AXDND1: variants seen among roughly 807,000 people sequenced by gnomAD.
The protein encoded by AXDND1 is axonemal dynein light chain domain-containing protein 1.
AXDND1 carries 110 observed loss-of-function variants against 137.5 expected under a neutral mutation model. The observed-to-expected ratio is 0.80, with a 90% confidence interval of 0.69 to 0.94. The LOEUF (loss-of-function observed/expected upper bound fraction) is 0.94. Ranked by LOEUF, AXDND1 falls within the 40% of genes least tolerant of loss-of-function variation. The pLI, the probability that AXDND1 is intolerant of heterozygous loss-of-function variation, is 0.00. For missense variants in AXDND1, 1,191 were observed against 1,169.8 expected (o/e 1.02, Z -0.26); for synonymous variants, 414 against 399.7 (o/e 1.04, Z -0.43).
chr1:179,500,701 C>T (rs1667909202), intron 20 of AXDND1, among the ~76,000 whole-genome samples: 2 of 152,300 alleles, frequency 1.3e-5, no homozygotes, highest in South Asian at 2.1e-4. Context: ...GAGACAGAAT[C>T]TGGCTCTGTT....
rs1435374289 is a variant in AXDND1, at chr1:179,486,136, A to AC, written c.2091+2915_2091+2916insC. Among the ~76,000 whole-genome samples the AC allele has an allele frequency of 3.5e-4, 42 of 121,372 alleles. 1 individual carries two copies. The Middle Eastern group carries it at 0.012, about 36-fold the overall frequency. 79.6% of individuals were successfully genotyped at this position (121,372 alleles called of 152,430 possible). A position where few individuals can be genotyped will look rare whatever the true frequency, so the allele number is the denominator to read the frequency against. ...CTCTGTCTCAAAAAAAAAAAAAAAAAAAAAACCTGATAGAAATGAAAAACA... is the reference window on the plus strand; with the variant it reads ...CTCTGTCTCAAAAAAAAAAAAAAAAACAAAAACCTGATAGAAATGAAAAACA... On this transcript the variant is annotated intron_variant, in intron 18 of 25. Transcript: ENST00000367618.
At chr1:179,500,670 ATTAAT>A (rs1051054051) in intron 20 of AXDND1, among the ~76,000 whole-genome samples, 3 of 152,116 alleles carry the variant, frequency 2.0e-5, no homozygotes, top group African/African-American at 7.2e-5. Flanking sequence ...TCACATTTGA[ATTAAT>A]TTATTTTTAT....
chr1:179,523,686 C>T (rs1470878036), intron 21 of AXDND1, among the ~76,000 whole-genome samples: 1 of 152,164 alleles, frequency 6.6e-6, no homozygotes, highest in African/African-American at 2.4e-5. Flanking sequence ...AGGTCAGCCA[C>T]ATTGTTGCCT....
intron 16 of AXDND1, chr1:179,447,473 A>G (rs1277691076): frequency 4.5e-6 from 2 of 441,112 alleles, no homozygotes; most frequent in Non-Finnish European, 8.0e-6. Context: ...CTAATTTTGA[A>G]TGGAAATATT....
At position 179,367,412 on chromosome 1, in the gene AXDND1, G is replaced by A. The variant is rs547884690; in HGVS notation, c.97+806G>A. Among the ~76,000 whole-genome samples, 598 of 152,302 alleles carry A rather than the reference G, an allele frequency of 3.9e-3. 3 individuals carry two copies. The highest frequency in any genetic ancestry group is 0.02 in the Middle Eastern group (6 of 294). On this transcript the variant is annotated intron_variant, in intron 2 of 25. Transcript: ENST00000367618. ...TGCCTGTAGTCCCAGCTACTCAGGA[G>A]GCTGAGGCAGGAGAATCGCTTGAAC...
intron 25 of AXDND1, chr1:179,549,054 A>G (rs544196409): frequency 6.6e-5 from 10 of 152,182 alleles, no homozygotes; most frequent in South Asian, 2.1e-4. Flanking sequence ...GCAGGCTCCA[A>G]TGCCAAACTG....
chr1:179,423,991 A>G (rs1192075221), intron 12 of AXDND1, among the ~76,000 whole-genome samples: 2 of 151,566 alleles, frequency 1.3e-5, no homozygotes, highest in Non-Finnish European at 2.9e-5. Context: ...TTTTTCTTTT[A>G]GATTGAAGAA....
chr1:179,432,430 T>TCC, intron 15 of AXDND1, 88 bp downstream of exon 15: 382 of 14,544 alleles, frequency 0.026, no homozygotes, highest in Non-Finnish European at 0.031. Flanking sequence ...CATCCCATCC[T>TCC]TTTTTTTTTT....
intron 9 of AXDND1, among the ~76,000 whole-genome samples, chr1:179,389,564 T>TTAG (rs1412758744): frequency 2.6e-5 from 4 of 152,176 alleles, no homozygotes; most frequent in African/African-American, 9.7e-5. Flanking sequence ...AGCCCAAGGC[T>TTAG]TAGTCTCTGG....
chr1:179,491,408 G>T, intron 18 of AXDND1, 130 bp from the exon 19 acceptor site: 1 of 643,826 alleles, frequency 1.6e-6, no homozygotes. Context: ...CTGATGACTT[G>T]ATTTCATTAA....
rs908026548 is a variant in AXDND1 at position 179,419,506 on chromosome 1, C to T, written c.1230+8240C>T. Among the ~76,000 whole-genome samples, 180 of 149,716 alleles carry T rather than the reference C, an allele frequency of 1.2e-3. 2 individuals are homozygous for T. The highest frequency in any genetic ancestry group is 1.3e-4 in the Non-Finnish European group (9 of 67,208). On this transcript the variant is annotated intron_variant, in intron 12 of 25. Transcript: ENST00000367618. ...GCGTGCGCCTGCAATCGCAGGCACT[C>T]GGCAGGCTGAGGCAGGAGAATCAGG... is the stretch of plus-strand genomic sequence containing the variant.
chr1:179,459,564 G>A (rs1054160674), intron 16 of AXDND1, among the ~76,000 whole-genome samples: 6 of 151,834 alleles, frequency 4.0e-5, no homozygotes, highest in Non-Finnish European at 5.9e-5. Flanking sequence ...CCCTTCCTAC[G>A]TTTGCATTTG....
intron 20 of AXDND1, among the ~76,000 whole-genome samples, chr1:179,505,997 A>G (rs1331786489): frequency 6.6e-6 from 1 of 152,218 alleles, no homozygotes; most frequent in Non-Finnish European, 1.5e-5. Flanking sequence ...CTCCACTTGG[A>G]GATGAGAATT....
chr1:179,366,604 G>C lies in AXDND1; in HGVS notation c.95G>C (p.Arg32Thr), dbSNP rs779612869. The stretch of plus-strand genomic sequence containing the variant: ...GTGTCTGTAGCCAAGGAAGGGACAA[G>C]AGGTAAACTTCGTTGATTCTGAAGT... ...LKVSVAKEGT[R>T]GLPELKEKKN... is the part of the protein sequence containing the mutation. The change falls in exon 2 of 26, where the codon AGA becomes ACA. Residue 32 changes from arginine (R) to threonine (T), a missense_variant and splice_region_variant. By Grantham distance (71) the Arg-to-Thr change is moderately conservative. Transcript: ENST00000367618. The C allele has an allele frequency of 6.2e-7, 1 of 1,605,236 alleles. No individual in the cohort carries two copies. Among genetic ancestry groups the C allele is most frequent in the Non-Finnish European group, 8.5e-7 (1 of 1,172,038 alleles).
chr1:179,470,978 A>T (rs1663852773), intron 17 of AXDND1, among the ~76,000 whole-genome samples: 1 of 152,078 alleles, frequency 6.6e-6, no homozygotes, highest in Non-Finnish European at 1.5e-5. Context: ...ATTTTGACAA[A>T]TGCTTTTTCT....
intron 25 of AXDND1, among the ~76,000 whole-genome samples, chr1:179,553,443 T>A (rs936915374): frequency 6.6e-6 from 1 of 152,244 alleles, no homozygotes; most frequent in African/African-American, 2.4e-5. Context: ...GAAGTACTGA[T>A]TCATGCTCAA....
intron 16 of AXDND1, among the ~76,000 whole-genome samples, chr1:179,446,008 T>C (rs1571866989): frequency 6.6e-6 from 1 of 152,178 alleles, no homozygotes; most frequent in Non-Finnish European, 1.5e-5. Flanking sequence ...CTAGTACTTG[T>C]CTCACTTTTA....
chr1:179,367,861 G>A (rs16854003), intron 2 of AXDND1, among the ~76,000 whole-genome samples: 87,984 of 151,978 alleles, frequency 0.58, 25,592 homozygotes, highest in African/African-American at 0.65. Context: ...TAAGATTTTC[G>A]TTCATATGCG....
intron 4 of AXDND1, among the ~76,000 whole-genome samples, chr1:179,374,854 T>C (rs1485298264): frequency 2.0e-5 from 3 of 149,702 alleles, no homozygotes; most frequent in African/African-American, 4.9e-5. Flanking sequence ...AGGGATAACA[T>C]TAGGAGGAAT....
Sources: allele counts gnomAD v4.1 joint callset (sites outside exome capture counted in the v4.1 genomes callset), GRCh38; gene constraint gnomAD v4.1.1; transcripts MANE v1.5; gene names NCBI Gene and HGNC (gene_info 2026-07-23, HGNC 2026-07-21).